The following CCDC9 variants were observed in gnomAD, a reference collection of about 807,000 sequenced individuals.
The protein encoded by CCDC9 is coiled-coil domain containing 9.
CCDC9 carries 52 observed loss-of-function variants against 65.6 expected under a neutral mutation model. That is an observed-to-expected ratio of 0.79 (90% confidence interval 0.63 to 1.00). CCDC9 has a LOEUF of 1.00. Ranked by LOEUF, CCDC9 falls within the 50% of genes least tolerant of loss-of-function variation. The pLI, the probability that CCDC9 is intolerant of heterozygous loss-of-function variation, is 0.00. For synonymous variants in CCDC9, 332 were observed against 280.3 expected, an observed-to-expected ratio of 1.18 and a Z score of -1.84; for missense variants, 834 against 757.2, an observed-to-expected ratio of 1.10 and a Z score of -1.19.
chr19:47,275,117 C>T, downstream of CCDC9: 1 of 1,491,890 alleles, frequency 6.7e-7, no homozygotes, highest in Non-Finnish European at 8.9e-7. Flanking sequence ...CACCCGCCGG[C>T]CCACAGCCCA....
chr19:47,268,545 A>G (rs1249751921), intron 8 of CCDC9, among the ~76,000 whole-genome samples: 2 of 152,250 alleles, frequency 1.3e-5, no homozygotes, highest in Middle Eastern at 6.8e-3. Flanking sequence ...TTTTGGGGAG[A>G]TGTTCTCAGC....
intron 1 of CCDC9, chr19:47,257,964 T>C: frequency 4.9e-6 from 1 of 206,182 alleles, no homozygotes; most frequent in Admixed American, 5.3e-5. Flanking sequence ...GTTGGAACTC[T>C]CTTGAGATAG....
At chr19:47,261,238 T>C (rs913290898) in intron 5 of CCDC9, among the ~76,000 whole-genome samples, 3 of 152,018 alleles carry the variant, frequency 2.0e-5, no homozygotes, top group Non-Finnish European at 4.4e-5. Context: ...TCCCCATCTC[T>C]CCTCCCTTTC....
chr19:47,259,773 G>A (rs1228067661), intron 3 of CCDC9, among the ~76,000 whole-genome samples: 4 of 152,232 alleles, frequency 2.6e-5, no homozygotes, highest in Non-Finnish European at 2.9e-5. Context: ...AGATTCTGCC[G>A]TAGTGGAGGA....
At chr19:47,274,089 AGTCTGGACCCCTT>A, downstream of CCDC9, 1 of 581,588 alleles carries the variant, frequency 1.7e-6, no homozygotes, top group Non-Finnish European at 2.2e-6. Context: ...CCCAGAGCCT[AGTCTGGACCCCTT>A]GGCTCTAGGG....
intron 5 of CCDC9, among the ~76,000 whole-genome samples, chr19:47,263,901 C>T (rs947931694): frequency 6.9e-6 from 1 of 145,652 alleles, no homozygotes; most frequent in Non-Finnish European, 1.5e-5. Flanking sequence ...TTTTTTGAGA[C>T]AGAGTCCTAC....
chr19:47,258,633 G>C lies in CCDC9; in HGVS notation c.78G>C (p.Arg26=). ...ACAAGAGGATCGAGGCTCTTCGGCG[G>C]AAGAATGAGGCCCTCATCCGGCGCT... ...ELDKRIEALR[R]KNEALIRRYQ... The change falls in exon 3 of 12, where the codon CGG becomes CGC. Residue 26 remains arginine, a synonymous_variant. Transcript: ENST00000221922. 1 of 1,614,116 alleles carries C rather than the reference G, an allele frequency of 6.2e-7. No homozygotes were observed. Among genetic ancestry groups the C allele is most frequent in the Non-Finnish European group, 8.5e-7 (1 of 1,179,970 alleles).
intron 8 of CCDC9, among the ~76,000 whole-genome samples, chr19:47,267,594 CATGGGCAGATG>C (rs531999648): frequency 2.2e-3 from 341 of 152,296 alleles, no homozygotes; most frequent in Non-Finnish European, 3.6e-3. Flanking sequence ...CTTGCCCTGA[CATGGGCAGATG>C]CACAAGCAGG....
downstream of CCDC9, chr19:47,275,176 C>T (rs760562614): frequency 2.1e-5 from 31 of 1,464,784 alleles, no homozygotes; most frequent in South Asian, 3.7e-4. Context: ...CCGCCTGTCC[C>T]GGCGCCCGCC....
chr19:47,264,579 G>A (rs1240028552), intron 5 of CCDC9, 24 bp from the exon 6 acceptor site: 8 of 1,569,244 alleles, frequency 5.1e-6, no homozygotes, highest in East Asian at 4.7e-5. Context: ...CTGAAGCTGG[G>A]TGTCCCTATC....
chr19:47,264,167 C>T (rs1352659205), intron 5 of CCDC9, among the ~76,000 whole-genome samples: 2 of 152,208 alleles, frequency 1.3e-5, no homozygotes, highest in Non-Finnish European at 1.5e-5. Context: ...AGGCGTGAGC[C>T]ACCGCGCCCG....
rs1036542639 is a variant in CCDC9 at position 47,271,163 on chromosome 19, T to G, written c.1167T>G (p.Thr389=). ...PETPQPTSPE[T]SPKETPMQPP... ...CTCCACAGCCTACTTCCCCCGAGAC[T>G]TCCCCCAAGGAGACACCCATGCAGG... is the stretch of plus-strand genomic sequence containing the variant. Residue 389 remains threonine, a synonymous_variant, in exon 11 of 12, where the codon ACT becomes ACG. Transcript: ENST00000221922. 3.8e-6 allele frequency: 6 copies of G among 1,595,008 alleles called. No individual in the cohort carries two copies. The highest frequency in any genetic ancestry group is 5.1e-6 in the Non-Finnish European group (6 of 1,172,736).
intron 9 of CCDC9, 47 bp downstream of exon 9, chr19:47,270,500 G>T (rs1289076074): frequency 1.2e-6 from 2 of 1,614,022 alleles, no homozygotes; most frequent in African/African-American, 2.7e-5. Flanking sequence ...TGGGAGTCAG[G>T]GGTGGTGTGT....
downstream of CCDC9, chr19:47,275,324 C>G: frequency 6.5e-7 from 1 of 1,545,970 alleles, no homozygotes. Context: ...CGCCAGAGGC[C>G]GCGGAGGGGC....
In CCDC9 at chr19:47,258,317, CCT is replaced by C; in HGVS notation, c.-71-10_-71-9del. ...GCCATTGGCCTTTGTCCTTTTTTTC[CCT>C]CTGTCCCCAGGAACCCTCAGTGCTG... is the stretch of plus-strand genomic sequence containing the variant. On this transcript the variant is annotated splice_polypyrimidine_tract_variant and intron_variant, in intron 1 of 11. Transcript: ENST00000221922. 6.7e-7 allele frequency: 1 copy of C among 1,493,506 alleles called. No individual in the cohort carries two copies. The highest frequency in any genetic ancestry group is 9.3e-7 in the Non-Finnish European group (1 of 1,074,554). 92.5% of individuals were successfully genotyped at this position (1,493,506 alleles called of 1,614,324 possible). A position where few individuals can be genotyped will look rare whatever the true frequency, so the allele number is the denominator to read the frequency against.
Position 47,256,824 on chromosome 19 carries a change from G to A in CCDC9, c.-72+215G>A, listed in dbSNP as rs539395594. 9.4e-3 allele frequency among the ~76,000 whole-genome samples: 1,425 copies of A among 151,644 alleles called. 28 individuals carry two copies. Among genetic ancestry groups the A allele is most frequent in the African/African-American group, 0.033 (1,344 of 41,266 alleles). On this transcript the variant is annotated intron_variant, in intron 1 of 11. Coordinates refer to ENST00000221922, the MANE Select transcript of CCDC9 (RefSeq NM_015603.3). Reference sequence around the variant, plus strand: ...GGGCGTGGCCAGAGCCTGGGCCGGCGGCTGTGGGCGGGACCTAAAAGTTGT... The same window carrying A: ...GGGCGTGGCCAGAGCCTGGGCCGGCAGCTGTGGGCGGGACCTAAAAGTTGT...
intron 10 of CCDC9, 134 bp from the exon 11 acceptor site, chr19:47,270,947 AC>A: frequency 1.3e-6 from 1 of 756,172 alleles, no homozygotes. Flanking sequence ...ATGGGGACAC[AC>A]ATCCGCCATT....
intron 5 of CCDC9, among the ~76,000 whole-genome samples, chr19:47,262,877 G>C (rs2059055177): frequency 6.6e-6 from 1 of 151,998 alleles, no homozygotes; most frequent in African/African-American, 2.4e-5. Flanking sequence ...CTTGAGCCCA[G>C]GAGTTTGAGA....
At chr19:47,274,793 C>T (rs1351783283), downstream of CCDC9, 4 of 499,266 alleles carry the variant, frequency 8.0e-6, no homozygotes, top group Admixed American at 1.9e-4. Flanking sequence ...GGGGGCGTGA[C>T]CATGCTGGCG....
Sources: allele counts gnomAD v4.1 joint callset (sites outside exome capture counted in the v4.1 genomes callset), GRCh38; gene constraint gnomAD v4.1.1; transcripts MANE v1.5; gene names NCBI Gene and HGNC (gene_info 2026-07-23, HGNC 2026-07-21).